The following CDH13 variants were observed in gnomAD, a reference collection of about 807,000 sequenced individuals.
CDH13 encodes the protein cadherin 13.
In CDH13, 24 loss-of-function variants were observed where a neutral mutation model predicts 63.8. That is an observed-to-expected ratio of 0.38 (90% CI 0.27 to 0.53). CDH13 has a LOEUF of 0.53. Ranked by LOEUF, CDH13 falls within the 20% of genes least tolerant of loss-of-function variation. The pLI, the probability that CDH13 is intolerant of heterozygous loss-of-function variation, is 0.85. For missense variants in CDH13, 1,049 were observed against 903.1 expected (o/e 1.16, Z -2.07); for synonymous variants, 503 against 355.3 (o/e 1.42, Z -4.67).
chr16:83,480,631 C>G (rs73603832), intron 6 of CDH13, among the ~76,000 whole-genome samples: 47 of 152,222 alleles, frequency 3.1e-4, no homozygotes, highest in African/African-American at 1.1e-3. Context: ...CTGCTCATGA[C>G]GAAGAGACGT....
At chr16:83,229,224 C>T (rs1045877952) in intron 5 of CDH13, among the ~76,000 whole-genome samples, 1 of 152,132 alleles carries the variant, frequency 6.6e-6, no homozygotes, top group Non-Finnish European at 1.5e-5. Flanking sequence ...TTCAAATTGT[C>T]ATGAAATAGA....
chr16:82,657,609 AAG>A lies in CDH13; in HGVS notation c.45+30478_45+30479del, dbSNP rs1461981749. 1.3e-5 allele frequency among the ~76,000 whole-genome samples: 2 copies of A among 152,216 alleles called. 1 individual carries two copies. The highest frequency in any genetic ancestry group is 6.3e-3 in the Middle Eastern group (2 of 316). The stretch of plus-strand genomic sequence containing the variant: ...AACTGTAGAAAGCAAACCTTGGAGA[AAG>A]AGAGACTACTGTATTTTGTACATTT... On this transcript the variant is annotated intron_variant, in intron 1 of 13. Transcript: ENST00000567109.
chr16:82,870,377 T>C (rs1051637081), intron 2 of CDH13, among the ~76,000 whole-genome samples: 6 of 152,022 alleles, frequency 3.9e-5, no homozygotes, highest in Non-Finnish European at 7.4e-5. Flanking sequence ...GGAATGTAAA[T>C]TATTACAGCC....
chr16:82,642,537 G>A (rs12446731), intron 1 of CDH13, among the ~76,000 whole-genome samples: 29,391 of 152,050 alleles, frequency 0.19, 3,374 homozygotes, highest in Admixed American at 0.29. Flanking sequence ...AGTTAAATGT[G>A]CATATGATGA....
intron 1 of CDH13, among the ~76,000 whole-genome samples, chr16:82,711,204 A>G: frequency 6.6e-6 from 1 of 152,128 alleles, no homozygotes; most frequent in Admixed American, 6.5e-5. Flanking sequence ...TGAGGGACAC[A>G]CAGTTTTCAA....
intron 4 of CDH13, among the ~76,000 whole-genome samples, chr16:83,193,412 A>G (rs566336966): frequency 1.2e-4 from 19 of 152,310 alleles, no homozygotes; most frequent in African/African-American, 4.6e-4. Flanking sequence ...TGCGAGCCCC[A>G]AACCCTACCT....
At chr16:83,732,925 G>A (rs771084743) in intron 10 of CDH13, among the ~76,000 whole-genome samples, 1 of 152,198 alleles carries the variant, frequency 6.6e-6, no homozygotes, top group African/African-American at 2.4e-5. Flanking sequence ...ACCAAGGCCT[G>A]TATGGCCAGA....
Position 82,644,608 on chromosome 16 carries a change from C to T in CDH13, c.45+17471C>T, listed in dbSNP as rs917707752. Among the ~76,000 whole-genome samples the T allele has an allele frequency of 4.6e-5, 7 of 152,270 alleles. No individual in the cohort carries two copies. The highest frequency in any genetic ancestry group is 3.4e-3 in the Middle Eastern group (1 of 294). On this transcript the variant is annotated intron_variant, in intron 1 of 13. Coordinates refer to ENST00000567109, the MANE Select transcript of CDH13 (RefSeq NM_001257.5). The surrounding 1 kb of genome is among the most constrained non-coding windows in gnomAD (Gnocchi z 5.7). ...ATGGAGGCAAAGCTGAGGGGCTGTA[C>T]GTGTCTTCATAGGTCTCCAGTCTGT...
chr16:82,851,939 A>G (rs1235542181), intron 1 of CDH13, among the ~76,000 whole-genome samples: 2 of 152,212 alleles, frequency 1.3e-5, no homozygotes, highest in African/African-American at 4.8e-5. Flanking sequence ...TAAACCAGAG[A>G]TGTTTTATGG....
intron 1 of CDH13, among the ~76,000 whole-genome samples, chr16:82,855,743 G>A (rs2039655434): frequency 6.6e-6 from 1 of 152,158 alleles, no homozygotes; most frequent in African/African-American, 2.4e-5. Context: ...TGAGGGAGAT[G>A]ATGTTGGTCA....
intron 2 of CDH13, among the ~76,000 whole-genome samples, chr16:82,879,301 A>T (rs2040611566): frequency 6.6e-6 from 1 of 151,896 alleles, no homozygotes; most frequent in Non-Finnish European, 1.5e-5. Context: ...GGAACACTGA[A>T]GGAAAATCTG....
At chr16:83,542,803 T>C (rs2075318414) in intron 7 of CDH13, among the ~76,000 whole-genome samples, 1 of 152,234 alleles carries the variant, frequency 6.6e-6, no homozygotes, top group Admixed American at 6.5e-5. Flanking sequence ...TGTGTCCTAA[T>C]TTCTCATTTT....
At chr16:83,073,605 C>G (rs1053337168) in intron 3 of CDH13, among the ~76,000 whole-genome samples, 4 of 152,008 alleles carry the variant, frequency 2.6e-5, no homozygotes, top group African/African-American at 9.7e-5. Flanking sequence ...GCTGAATCCC[C>G]TATTGCAGAT....
chr16:82,968,892 G>C (rs1908274332), intron 2 of CDH13, among the ~76,000 whole-genome samples: 1 of 152,152 alleles, frequency 6.6e-6, no homozygotes, highest in African/African-American at 2.4e-5. Context: ...GGCTGAGTGG[G>C]GATGATTGCT....
chr16:82,968,667 C>T (rs1241686600), intron 2 of CDH13, among the ~76,000 whole-genome samples: 1 of 152,180 alleles, frequency 6.6e-6, no homozygotes, highest in Non-Finnish European at 1.5e-5. Flanking sequence ...CTGCCCCACC[C>T]AGGCAGGATG....
At chr16:83,421,802 A>T (rs1343489352) in intron 6 of CDH13, among the ~76,000 whole-genome samples, 1 of 152,220 alleles carries the variant, frequency 6.6e-6, no homozygotes, top group East Asian at 1.9e-4. Flanking sequence ...AATTAACGAC[A>T]TCAGTGTTCT....
intron 2 of CDH13, among the ~76,000 whole-genome samples, chr16:83,004,322 T>TATG (rs1445175690): frequency 1.3e-5 from 2 of 152,166 alleles, no homozygotes; most frequent in South Asian, 2.1e-4. Flanking sequence ...CACAAAACAC[T>TATG]ATGCCAGCTC....
intron 13 of CDH13, among the ~76,000 whole-genome samples, chr16:83,792,588 A>G (rs1298790327): frequency 6.6e-6 from 1 of 152,188 alleles, no homozygotes; most frequent in Non-Finnish European, 1.5e-5. Flanking sequence ...GATGGAGGGT[A>G]AGGGTGCTGC....
intron 1 of CDH13, among the ~76,000 whole-genome samples, chr16:82,810,626 C>G (rs995475799): frequency 2.0e-5 from 3 of 152,144 alleles, no homozygotes; most frequent in African/African-American, 4.8e-5. Context: ...CTCTGAAACC[C>G]TGAGACATGA....
Sources: gnomAD v4.1 joint callset for allele counts (sites outside exome capture counted in the v4.1 genomes callset) on GRCh38, gnomAD v4.1.1 for gene constraint, Gnocchi (gnomAD v3.1) non-coding constraint, MANE v1.5 for transcripts, NCBI Gene and HGNC (gene_info 2026-07-23, HGNC 2026-07-21) for gene names.